GRID2: variants seen among roughly 807,000 people sequenced by gnomAD.
The protein encoded by GRID2 is glutamate receptor ionotropic, delta-2.
Under a neutral mutation model 114.8 loss-of-function variants are expected in GRID2, and 33 were observed. The observed-to-expected ratio is 0.29, with a 90% CI of 0.22 to 0.38. GRID2 has a LOEUF of 0.38. Ranked by LOEUF, GRID2 falls within the 10% of genes least tolerant of loss-of-function variation. The pLI is 1.00. For missense variants in GRID2, 1,184 were observed against 1,257.7 expected (o/e 0.94, Z 0.89); for synonymous variants, 505 against 449.9 (o/e 1.12, Z -1.55).
chr4:92,487,631 T>C (rs1274532794), intron 1 of GRID2, among the ~76,000 whole-genome samples: 1 of 152,130 alleles, frequency 6.6e-6, no homozygotes, highest in Non-Finnish European at 1.5e-5. Flanking sequence ...CTATATGCTA[T>C]ATCCCACTCC....
rs553919653 is a variant in GRID2 at position 92,558,020 on chromosome 4, C to T, written c.89-32111C>T. 2.6e-5 allele frequency among the ~76,000 whole-genome samples: 4 copies of T among 152,178 alleles called. 1 individual carries two copies. In the South Asian group the frequency reaches 8.3e-4, roughly 32 times the overall value. On this transcript the variant is annotated intron_variant, in intron 1 of 15. Transcript: ENST00000282020. ...CTGAGAATGGAGCTAAAAATCACAG[C>T]CTGTAGGATTCCTCCATTCTATTTT...
chr4:92,483,288 A>G (rs1297807119), intron 1 of GRID2, among the ~76,000 whole-genome samples: 1 of 152,278 alleles, frequency 6.6e-6, no homozygotes, highest in Non-Finnish European at 1.5e-5. Context: ...CAGTGAGCCA[A>G]GGTCGTGCCA....
Position 93,515,291 on chromosome 4 carries a change from C to T in GRID2, c.2073C>T (p.Val691=), listed in dbSNP as rs1729601699. ...TAGACTCTGCGGTATATGAGCATGT[C>T]CGCATGAAAGGACTGAATCCTTTTG... ...TVLDSAVYEH[V]RMKGLNPFER... is the part of the protein sequence containing the mutation. The change falls in exon 13 of 16, where the codon GTC becomes GTT. Residue 691 remains valine (V), a synonymous_variant. Coordinates refer to ENST00000282020, the MANE Select transcript of GRID2 (RefSeq NM_001510.4). The T allele has an allele frequency of 1.2e-6, 2 of 1,610,896 alleles. No homozygotes were observed. Among genetic ancestry groups the T allele is most frequent in the Non-Finnish European group, 1.7e-6 (2 of 1,177,310 alleles).
chr4:93,163,489 C>T (rs1737953228), intron 4 of GRID2, among the ~76,000 whole-genome samples: 1 of 147,458 alleles, frequency 6.8e-6, no homozygotes, highest in Non-Finnish European at 1.5e-5. Context: ...GTCTCAAACT[C>T]CTGGGCTCAA....
At chr4:92,476,514 A>G (rs1722321733) in intron 1 of GRID2, among the ~76,000 whole-genome samples, 1 of 152,182 alleles carries the variant, frequency 6.6e-6, no homozygotes, top group Non-Finnish European at 1.5e-5. Context: ...GAATGATGGC[A>G]TTTTGAGTAA....
chr4:93,697,869 G>GTGTATATATATATATATATATA (rs1553986412), intron 14 of GRID2, among the ~76,000 whole-genome samples: 45 of 122,696 alleles, frequency 3.7e-4, no homozygotes, highest in South Asian at 3.1e-3. Context: ...CACAATGTGT[G>GTGTATATATATATATATATATA]TATATATATA....
At chr4:92,962,866 C>T (rs1008448636) in intron 2 of GRID2, among the ~76,000 whole-genome samples, 1 of 151,894 alleles carries the variant, frequency 6.6e-6, no homozygotes, top group Non-Finnish European at 1.5e-5. Flanking sequence ...GGTTTCTGGT[C>T]CAGTAAGTTG....
rs928747315 is a variant in GRID2 at position 92,304,891 on chromosome 4, C to T, written c.88+147C>T. On this transcript the variant is annotated intron_variant, in intron 1 of 15. Transcript: ENST00000282020. ...CCCTTCCCGCTACCCTTCCCTCACACTTGCTCAGTTTTCTGAAAGGATGTG... is the reference window on the plus strand; with the variant it reads ...CCCTTCCCGCTACCCTTCCCTCACATTTGCTCAGTTTTCTGAAAGGATGTG... 2.0e-5 allele frequency: 14 copies of T among 685,074 alleles called. No individual in the cohort carries two copies. In the East Asian group the frequency reaches 3.2e-4, roughly 16 times the overall value. 42.4% of individuals were successfully genotyped at this position (685,074 alleles called of 1,614,324 possible).
chr4:93,614,033 G>C (rs569268657), intron 13 of GRID2, among the ~76,000 whole-genome samples: 33 of 152,052 alleles, frequency 2.2e-4, no homozygotes, highest in African/African-American at 7.2e-4. Flanking sequence ...TTTTTAAGCC[G>C]GTCTGAAAAG....
chr4:93,517,990 TAC>T, intron 13 of GRID2, among the ~76,000 whole-genome samples: 4 of 17,304 alleles, frequency 2.3e-4, no homozygotes, highest in South Asian at 1.3e-3. Flanking sequence ...TGTATGTATA[TAC>T]ATACATGTAT....
chr4:93,250,704 G>A (rs1403325874), intron 8 of GRID2, among the ~76,000 whole-genome samples: 1 of 145,066 alleles, frequency 6.9e-6, no homozygotes, highest in Non-Finnish European at 1.5e-5. Context: ...AAATGTGCAT[G>A]CGTATATATG....
chr4:92,542,490 A>T (rs13138217), intron 1 of GRID2, among the ~76,000 whole-genome samples: 1 of 152,182 alleles, frequency 6.6e-6, no homozygotes, highest in Admixed American at 6.6e-5. Context: ...AGCAACGTGG[A>T]TGGAGTTGAA....
intron 1 of GRID2, among the ~76,000 whole-genome samples, chr4:92,566,540 C>A (rs1195784286): frequency 6.6e-6 from 1 of 151,876 alleles, no homozygotes; most frequent in Non-Finnish European, 1.5e-5. Context: ...CAGGAAGTTT[C>A]TCTTTGGAAA....
intron 8 of GRID2, among the ~76,000 whole-genome samples, chr4:93,284,223 CA>C (rs762905076): frequency 1.3e-5 from 2 of 151,978 alleles, no homozygotes; most frequent in African/African-American, 2.4e-5. Context: ...AACATAACAA[CA>C]TTTTTTGCTC....
At chr4:93,096,509 A>T (rs1004610480) in intron 3 of GRID2, among the ~76,000 whole-genome samples, 2 of 152,060 alleles carry the variant, frequency 1.3e-5, no homozygotes, top group African/African-American at 4.8e-5. Flanking sequence ...CTTAAAAAGC[A>T]CCAGTATGAA....
intron 4 of GRID2, among the ~76,000 whole-genome samples, chr4:93,141,851 A>G (rs906369891): frequency 6.6e-6 from 1 of 152,206 alleles, no homozygotes; most frequent in African/African-American, 2.4e-5. Context: ...TGTGCTTATT[A>G]CAAGTTTCTG....
At chr4:93,361,467 G>GATTATT (rs149947795) in intron 8 of GRID2, among the ~76,000 whole-genome samples, 8,938 of 147,558 alleles carry the variant, frequency 0.061, 296 homozygotes, top group African/African-American at 0.072. Flanking sequence ...ATGTTACTGT[G>GATTATT]ATTATTATTA....
intron 9 of GRID2, among the ~76,000 whole-genome samples, chr4:93,414,408 C>T (rs1767501029): frequency 6.6e-6 from 1 of 152,076 alleles, no homozygotes; most frequent in Non-Finnish European, 1.5e-5. Context: ...CCTAAAGACT[C>T]TAGTGAAGCT....
chr4:93,518,839 G>GT (rs1410419147), intron 13 of GRID2, among the ~76,000 whole-genome samples: 2 of 152,048 alleles, frequency 1.3e-5, no homozygotes, highest in African/African-American at 4.8e-5. Context: ...AGGCCCTGAG[G>GT]TAGAAGCATG....
Sources: allele counts gnomAD v4.1 joint callset (sites outside exome capture counted in the v4.1 genomes callset), GRCh38; gene constraint gnomAD v4.1.1; transcripts MANE v1.5; gene names NCBI Gene and HGNC (gene_info 2026-07-23, HGNC 2026-07-21).